The following DPRX variants were observed in gnomAD, a reference collection of about 807,000 sequenced individuals.
DPRX encodes the protein divergent paired-related homeobox.
In DPRX, 11 loss-of-function variants were observed where a neutral mutation model predicts 8.4. The ratio of observed to expected loss-of-function variants is 1.31; its 90% CI spans 0.82 to 2.17. DPRX has a LOEUF of 2.17. Ranked by LOEUF, DPRX falls within the 30% of genes most tolerant of loss-of-function variation. The pLI, the probability that DPRX is intolerant of heterozygous loss-of-function variation, is 0.00. For synonymous variants in DPRX, 72 were observed against 87.0 expected (o/e 0.83, Z 0.96); for missense variants, 211 against 236.7 (o/e 0.89, Z 0.71).
At chr19:53,636,394 A>G (rs1235311335) in intron 2 of DPRX, among the ~76,000 whole-genome samples, 1 of 149,772 alleles carries the variant, frequency 6.7e-6, no homozygotes, top group Non-Finnish European at 1.5e-5. Flanking sequence ...AATAAAAATA[A>G]ATAAATAAAT....
the DPRX span, among the ~76,000 whole-genome samples, chr19:53,626,710 G>A: frequency 6.6e-6 from 1 of 152,088 alleles, no homozygotes; most frequent in African/African-American, 2.4e-5. Flanking sequence ...GCCGTCTCAA[G>A]CACTCTGTTC....
the DPRX span, among the ~76,000 whole-genome samples, chr19:53,626,472 T>G: frequency 1.3e-5 from 2 of 152,174 alleles, no homozygotes; most frequent in African/African-American, 4.8e-5. Flanking sequence ...GCTGATCGCT[T>G]GAGCCCAGGA....
the DPRX span, among the ~76,000 whole-genome samples, chr19:53,626,155 C>G: frequency 2.0e-5 from 3 of 152,166 alleles, no homozygotes; most frequent in African/African-American, 7.2e-5. Flanking sequence ...CCAGGCTGGT[C>G]ACAAACTCCT....
At chr19:53,613,008 G>A in the DPRX span, among the ~76,000 whole-genome samples, 1 of 152,068 alleles carries the variant, frequency 6.6e-6, no homozygotes, top group African/African-American at 2.4e-5. Flanking sequence ...GGAAGATGGA[G>A]GGAAAATTAG....
At chr19:53,619,341 C>T in the DPRX span, among the ~76,000 whole-genome samples, 5 of 151,904 alleles carry the variant, frequency 3.3e-5, no homozygotes, top group Non-Finnish European at 5.9e-5. Context: ...GAGTTTGAGA[C>T]CAGCCTGGCC....
At chr19:53,612,367 C>T in the DPRX span, among the ~76,000 whole-genome samples, 56 of 151,388 alleles carry the variant, frequency 3.7e-4, no homozygotes, top group East Asian at 2.0e-3. Flanking sequence ...AGAGTGAAAC[C>T]GGTCTCAAAA....
the DPRX span, among the ~76,000 whole-genome samples, chr19:53,602,696 G>C: frequency 9.3e-4 from 141 of 151,918 alleles, no homozygotes; most frequent in African/African-American, 3.2e-3. Context: ...CACCGTGCTC[G>C]GCTAATTTTT....
chr19:53,627,846 T>C (rs1343789442), upstream of DPRX, among the ~76,000 whole-genome samples: 2 of 150,434 alleles, frequency 1.3e-5, no homozygotes, highest in African/African-American at 4.9e-5. Context: ...CAATCAGGAG[T>C]TCGAGACCAG....
chr19:53,623,310 A>AAAT, the DPRX span, among the ~76,000 whole-genome samples: 4 of 133,936 alleles, frequency 3.0e-5, no homozygotes, highest in Non-Finnish European at 6.3e-5. Flanking sequence ...CTGTCTCAAA[A>AAAT]AAATAAATAA....
the DPRX span, chr19:53,601,868 T>C: frequency 5.2e-5 from 19 of 367,310 alleles, no homozygotes; most frequent in South Asian, 3.7e-4. Context: ...CTGGAGGGGG[T>C]GTCCATGAAC....
At chr19:53,620,409 C>T in the DPRX span, among the ~76,000 whole-genome samples, 2 of 151,734 alleles carry the variant, frequency 1.3e-5, no homozygotes, top group African/African-American at 4.8e-5. Context: ...GTCCCCTAGG[C>T]TGGAGTGCAG....
At chr19:53,631,019 G>A (rs1226199176), upstream of DPRX, among the ~76,000 whole-genome samples, 1 of 151,750 alleles carries the variant, frequency 6.6e-6, no homozygotes, top group Non-Finnish European at 1.5e-5. Flanking sequence ...GCTAATTTTC[G>A]TATTTTTAGT....
At chr19:53,618,009 C>T in the DPRX span, among the ~76,000 whole-genome samples, 16 of 151,306 alleles carry the variant, frequency 1.1e-4, no homozygotes, top group East Asian at 2.0e-4. Context: ...GTGGTGGTGG[C>T]GGGGCACCTG....
At chr19:53,611,891 C>T in the DPRX span, among the ~76,000 whole-genome samples, 1 of 151,866 alleles carries the variant, frequency 6.6e-6, no homozygotes, top group Non-Finnish European at 1.5e-5. Context: ...TGAGACCAGC[C>T]TGACCAATAT....
At chr19:53,629,700 T>C (rs565993832), upstream of DPRX, 1 of 151,922 alleles carries the variant, frequency 6.6e-6, no homozygotes, top group African/African-American at 2.4e-5. Context: ...TCTAAAGATA[T>C]ACTGTTCATC....
chr19:53,635,953 A>C (rs1173859895), intron 2 of DPRX, among the ~76,000 whole-genome samples: 2 of 152,082 alleles, frequency 1.3e-5, no homozygotes, highest in African/African-American at 4.8e-5. Flanking sequence ...TTCTGTCCCC[A>C]AAATCTCTCA....
the DPRX span, among the ~76,000 whole-genome samples, chr19:53,618,744 A>T: frequency 6.8e-6 from 1 of 147,694 alleles, no homozygotes; most frequent in African/African-American, 2.5e-5. Context: ...GTGCAGTGGC[A>T]CTATCTTGGC....
chr19:53,629,152 A>G (rs528112447), upstream of DPRX, among the ~76,000 whole-genome samples: 1 of 151,620 alleles, frequency 6.6e-6, no homozygotes, highest in East Asian at 2.0e-4. Context: ...GGTCTCTACT[A>G]AAAATACGAA....
chr19:53,621,719 G>A, the DPRX span, among the ~76,000 whole-genome samples: 1 of 151,914 alleles, frequency 6.6e-6, no homozygotes, highest in Non-Finnish European at 1.5e-5. Flanking sequence ...TGGAGGTAGA[G>A]GTTGCAGTAA....
Sources: gnomAD v4.1 joint callset for allele counts (sites outside exome capture counted in the v4.1 genomes callset) on GRCh38, gnomAD v4.1.1 for gene constraint, MANE v1.5 for transcripts, NCBI Gene and HGNC (gene_info 2026-07-23, HGNC 2026-07-21) for gene names.